Variants in SUPT20H observed in about 807,000 individuals in gnomAD.
SUPT20H encodes transcription factor SPT20 homolog.
SUPT20H carries 82 observed loss-of-function variants against 122.8 expected under a neutral mutation model. That is an observed-to-expected ratio of 0.67 (90% CI 0.56 to 0.80). The LOEUF (loss-of-function observed/expected upper bound fraction) is 0.80. Ranked by LOEUF, SUPT20H falls within the 30% of genes least tolerant of loss-of-function variation. The pLI is 0.00. For missense variants in SUPT20H, 831 were observed against 921.6 expected (o/e 0.90, Z 1.27); for synonymous variants, 291 against 313.0 (o/e 0.93, Z 0.74).
chr13:37,057,668 G>A (rs2069437458), intron 1 of SUPT20H, among the ~76,000 whole-genome samples: 1 of 151,942 alleles, frequency 6.6e-6, no homozygotes, highest in African/African-American at 2.4e-5. Context: ...CATGGGGAAA[G>A]TGTCTCTACA....
Position 37,022,167 on chromosome 13 carries a change from T to C in SUPT20H, c.1592-87A>G. On this transcript the variant is annotated intron_variant, in intron 19 of 25. Transcript: ENST00000350612. This position sits in a 1 kb window ranked among gnomAD's most constrained non-coding sequence, Gnocchi z 4.5. ...CAGAGACCTTTGCTGCTGAGCAAAC[T>C]GAGTTAACAAAGTGGGCTGAGGGGT... 3 of 1,613,500 alleles carry C rather than the reference T, an allele frequency of 1.9e-6. No individual in the cohort carries two copies. Among genetic ancestry groups the C allele is most frequent in the Non-Finnish European group, 2.5e-6 (3 of 1,179,736 alleles).
chr13:37,040,451 A>G lies in SUPT20H; in HGVS notation c.521T>C (p.Ile174Thr). The part of the protein sequence containing the change: ...ILLRPTMQTL[I>T]CDVHSITSDN... ...ACTTGTTATTGAATGTACATCACAA[A>G]TTAAAGTCTAGAAGAAATAAAAATT... is the stretch of plus-strand genomic sequence containing the variant. Residue 174 changes from isoleucine to threonine, a missense_variant, in exon 9 of 26, where the codon ATT (isoleucine) becomes ACT (threonine). By Grantham distance (89) the Ile-to-Thr change is moderately conservative (BLOSUM62 -1). Transcript: ENST00000350612. 3 of 1,581,370 alleles carry G rather than the reference A, an allele frequency of 1.9e-6. No homozygotes were observed. The highest frequency in any genetic ancestry group is 2.6e-6 in the Non-Finnish European group (3 of 1,170,404).
intron 1 of SUPT20H, among the ~76,000 whole-genome samples, chr13:37,054,224 T>C (rs1324959057): frequency 6.6e-6 from 1 of 152,192 alleles, no homozygotes; most frequent in Non-Finnish European, 1.5e-5. Flanking sequence ...TCTGAAACTA[T>C]TCCAATCAAT....
Position 37,024,105 on chromosome 13 carries a change from T to C in SUPT20H, c.1521A>G (p.Lys507=). The C allele has an allele frequency of 6.2e-7, 1 of 1,613,886 alleles. No homozygotes were observed. Among genetic ancestry groups the C allele is most frequent in the Non-Finnish European group, 8.5e-7 (1 of 1,179,808 alleles). ...TAACTTGATTGAGATCCACAGATGA[T>C]TTCCGAGGAATACTTGATGGCTTAG... The part of the protein sequence containing the change: ...PSSKPSSIPR[K]SSVDLNQVSM... The change falls in exon 19 of 26, where the codon AAA becomes AAG. Residue 507 remains lysine, a synonymous_variant. Transcript: ENST00000350612.
chr13:37,055,861 C>T lies in SUPT20H; in HGVS notation c.-94+3698G>A, dbSNP rs1206323087. Among the ~76,000 whole-genome samples the T allele has an allele frequency of 9.0e-4, 137 of 152,128 alleles. 1 individual carries two copies. The highest frequency in any genetic ancestry group is 3.7e-3 in the Admixed American group (57 of 15,248). On this transcript the variant is annotated intron_variant, in intron 1 of 25. Transcript: ENST00000350612. ...CAGAATGGGAGAAAATGTTTGCAATCTACTCATCTGACAAAGGGCTAATAT... is the reference window on the plus strand; with the variant it reads ...CAGAATGGGAGAAAATGTTTGCAATTTACTCATCTGACAAAGGGCTAATAT...
At chr13:37,031,675 T>C (rs748513558) in intron 11 of SUPT20H, 52 bp from the exon 12 acceptor site, 2 of 1,541,962 alleles carry the variant, frequency 1.3e-6, no homozygotes, top group African/African-American at 2.8e-5. Flanking sequence ...ATAAATATAC[T>C]GAAAATGCTA....
chr13:37,019,276 T>C (rs1238095335), intron 22 of SUPT20H, 66 bp downstream of exon 22: 3 of 1,221,950 alleles, frequency 2.5e-6, no homozygotes, highest in Non-Finnish European at 3.5e-6. Context: ...TACATATAGA[T>C]ATACATTGTT....
At chr13:37,028,036 G>A (rs1566197291) in intron 14 of SUPT20H, 112 bp downstream of exon 14, 1 of 995,804 alleles carries the variant, frequency 1.0e-6, no homozygotes. Flanking sequence ...TAACTAATAA[G>A]TGAGTTCCCA....
chr13:37,022,643 C>A lies in SUPT20H; in HGVS notation c.1592-563G>T, dbSNP rs536500637. ...TGGCCTAAAAAGTTCAAAACGAATT[C>A]AAATTAATTTGTTATTTACGATTTC... On this transcript the variant is annotated intron_variant, in intron 19 of 25. Coordinates refer to ENST00000350612, the MANE Select transcript of SUPT20H (RefSeq NM_001014286.3). This position sits in a 1 kb window ranked among gnomAD's most constrained non-coding sequence, Gnocchi z 4.5. The A allele has an allele frequency of 9.6e-7, 1 of 1,038,786 alleles. No homozygotes were observed. Among genetic ancestry groups the A allele is most frequent in the East Asian group, 7.7e-5 (1 of 12,914 alleles). The allele number at this position is 1,038,786 out of a possible 1,614,324, so 64.3% of individuals were successfully genotyped here.
intron 1 of SUPT20H, among the ~76,000 whole-genome samples, chr13:37,054,048 C>T (rs1236720851): frequency 6.6e-6 from 1 of 152,200 alleles, no homozygotes; most frequent in Non-Finnish European, 1.5e-5. Flanking sequence ...GACACATACA[C>T]CCTCCCAAGA....
At chr13:37,046,564 A>G (rs2066473069) in intron 5 of SUPT20H, among the ~76,000 whole-genome samples, 1 of 152,190 alleles carries the variant, frequency 6.6e-6, no homozygotes, top group African/African-American at 2.4e-5. Flanking sequence ...ATAAAAATTC[A>G]TTTATAAAAA....
intron 23 of SUPT20H, chr13:37,013,895 G>A (rs952998883): frequency 1.3e-5 from 2 of 151,812 alleles, no homozygotes; most frequent in Non-Finnish European, 2.9e-5. Flanking sequence ...CACCATAACG[G>A]AGCTATGATA....
At chr13:37,018,216 T>C (rs1157160512) in intron 22 of SUPT20H, among the ~76,000 whole-genome samples, 1 of 152,172 alleles carries the variant, frequency 6.6e-6, no homozygotes, top group Non-Finnish European at 1.5e-5. Context: ...ACAGATCAAA[T>C]GTTCCTTCCT....
intron 12 of SUPT20H, among the ~76,000 whole-genome samples, chr13:37,030,503 A>C (rs777152079): frequency 2.0e-5 from 3 of 152,164 alleles, no homozygotes; most frequent in South Asian, 2.1e-4. Context: ...TGAAATCTCT[A>C]TGTTTAACTG....
At position 37,017,277 on chromosome 13, in the gene SUPT20H, T is replaced by C. The variant is rs754779098; in HGVS notation, c.1960A>G (p.Thr654Ala). The C allele has an allele frequency of 1.9e-6, 3 of 1,614,138 alleles. No homozygotes were observed. The highest frequency in any genetic ancestry group is 1.1e-5 in the South Asian group (1 of 91,080). ...CCTGGCTGTTGAGGACTACAAGTTG[T>C]GGGCTGCTGAGGTTGTTGTGGTGTA... is the stretch of plus-strand genomic sequence containing the variant. Reference protein sequence around the residue: ...QFTPQQPQQPTTCSPQQPGEQ... With the variant: ...QFTPQQPQQPATCSPQQPGEQ... Residue 654 changes from threonine to alanine, a missense_variant, in exon 23 of 26, where the codon ACA (threonine) becomes GCA (alanine). Coordinates refer to ENST00000350612, the MANE Select transcript of SUPT20H (RefSeq NM_001014286.3).
intron 9 of SUPT20H, among the ~76,000 whole-genome samples, chr13:37,037,854 A>G (rs2064780282): frequency 1.3e-5 from 2 of 152,198 alleles, no homozygotes. Flanking sequence ...TTTTTTAAAA[A>G]AGTGAATCAA....
rs544779084 is a variant in SUPT20H at position 37,024,498 on chromosome 13, AGAT to A, written c.1330-59_1330-57del. On this transcript the variant is annotated intron_variant, in intron 17 of 25. Transcript: ENST00000350612. ...TAAAATTAATACTGCTATAAACCCC[AGAT>A]GATATTTATATTTAACTTCATAGTT... The A allele has an allele frequency of 1.6e-4, 182 of 1,129,974 alleles. 2 individuals carry two copies. The African/African-American group carries it at 2.5e-3, about 16-fold the overall frequency. The allele number at this position is 1,129,974 out of a possible 1,614,324, so 70.0% of individuals were successfully genotyped here.
In SUPT20H at chr13:37,009,395, T is replaced by C. The variant is rs1383871993; in HGVS notation, c.*277A>G. The C allele has an allele frequency of 3.9e-6, 3 of 764,652 alleles. No homozygotes were observed. Among genetic ancestry groups the C allele is most frequent in the Non-Finnish European group, 6.4e-6 (3 of 465,420 alleles). The allele number at this position is 764,652 out of a possible 1,614,324, so 47.4% of individuals were successfully genotyped here. ...CTAAATAAATATCAAACTACATTCT[T>C]CTGAAAGATGTTTCTATTATTTCTT... On this transcript the variant is annotated 3_prime_UTR_variant, in exon 26 of 26. Coordinates refer to ENST00000350612, the MANE Select transcript of SUPT20H (RefSeq NM_001014286.3).
intron 7 of SUPT20H, among the ~76,000 whole-genome samples, chr13:37,042,426 T>G (rs1314464035): frequency 6.6e-6 from 1 of 152,046 alleles, no homozygotes; most frequent in Non-Finnish European, 1.5e-5. Flanking sequence ...AGGGAGAATA[T>G]TACTAAAGAA....
Sources: gnomAD v4.1 joint callset for allele counts (sites outside exome capture counted in the v4.1 genomes callset) on GRCh38, gnomAD v4.1.1 for gene constraint, Gnocchi (gnomAD v3.1) non-coding constraint, MANE v1.5 for transcripts, NCBI Gene and HGNC (gene_info 2026-07-23, HGNC 2026-07-21) for gene names.